The following GATA6 variants were observed in gnomAD, a reference collection of about 807,000 sequenced individuals.
GATA6 encodes the protein transcription factor GATA-6.
A neutral mutation model predicts 48.1 loss-of-function variants in GATA6; 11 were observed. The observed-to-expected ratio is 0.23, with a 90% confidence interval of 0.14 to 0.38. GATA6 has a LOEUF of 0.38. GATA6 is among the 10% of genes least tolerant of loss of function. The probability of loss-of-function intolerance (pLI) is 1.00; values close to 1 mark genes in which losing one functional copy is unlikely to be tolerated. For missense variants in GATA6, 795 were observed against 850.3 expected (o/e 0.93, Z 0.81); for synonymous variants, 419 against 396.1 (o/e 1.06, Z -0.69).
In GATA6 at chr18:22,200,700, C is replaced by A. The variant is rs1163876813; in HGVS notation, c.1665C>A (p.Pro555=). The A allele has an allele frequency of 1.2e-6, 2 of 1,614,234 alleles. No homozygotes were observed. Among genetic ancestry groups the A allele is most frequent in the East Asian group, 4.5e-5 (2 of 44,882 alleles). ...CTGGTGCGGGAGAGAGCACCAATCC[C>A]GAGAACAGCGAGCTCAAGTATTCGG... The part of the protein sequence containing the change: ...VMTGAGESTN[P]ENSELKYSGQ... Residue 555 remains proline, a synonymous_variant, in exon 7 of 7, where the codon CCC becomes CCA. Coordinates refer to ENST00000269216, the MANE Select transcript of GATA6 (RefSeq NM_005257.6).
chr18:22,183,496 T>C (rs1232748785), intron 6 of GATA6, among the ~76,000 whole-genome samples: 4 of 152,220 alleles, frequency 2.6e-5, no homozygotes, highest in Admixed American at 2.6e-4. Context: ...TCTTTTTTTA[T>C]CATCCACCCA....
In GATA6 at chr18:22,201,672, A is replaced by G. The variant is rs1212835062; in HGVS notation, c.*849A>G. On this transcript the variant is annotated 3_prime_UTR_variant, in exon 7 of 7. Coordinates refer to ENST00000269216, the MANE Select transcript of GATA6 (RefSeq NM_005257.6). ...TCCAATTGTTAAAGAAAAATATTTC[A>G]AGAACAAATCTTCTCTCAGGAAAAT... 1 of 152,662 alleles carries G rather than the reference A, an allele frequency of 6.6e-6. No homozygotes were observed. The highest frequency in any genetic ancestry group is 2.4e-5 in the African/African-American group (1 of 41,460). 9.5% of individuals were successfully genotyped at this position (152,662 alleles called of 1,614,324 possible).
At chr18:22,175,858 GCTT>G (rs1165427180) in intron 2 of GATA6, among the ~76,000 whole-genome samples, 1 of 152,148 alleles carries the variant, frequency 6.6e-6, no homozygotes, top group Admixed American at 6.5e-5. Flanking sequence ...ATTCAGGAAT[GCTT>G]CTTCAATAAT....
At chr18:22,188,638 T>C (rs912837649) in intron 6 of GATA6, among the ~76,000 whole-genome samples, 1 of 152,184 alleles carries the variant, frequency 6.6e-6, no homozygotes, top group Admixed American at 6.5e-5. Context: ...ACAAATGTGT[T>C]TTCTGTCTGT....
rs541150137 is a variant in GATA6 at position 22,171,299 on chromosome 18, G to C, written c.155G>C (p.Arg52Pro). 4.4e-6 allele frequency: 7 copies of C among 1,592,158 alleles called. No homozygotes were observed. The highest frequency in any genetic ancestry group is 2.2e-5 in the East Asian group (1 of 44,648). The change falls in exon 2 of 7, where the codon CGG becomes CCG. Residue 52 changes from arginine (R) to proline (P), a missense_variant. Physicochemically the swap from Arg to Pro is moderately radical, Grantham distance 103. This residue lies in a region of GATA6 where 591 missense variants were observed against 570.0 expected (regional missense o/e 1.04). Transcript: ENST00000269216. This position sits in a 1 kb window ranked among gnomAD's most constrained non-coding sequence, Gnocchi z 7.1. Reference sequence around the variant, plus strand: ...TCCTCCTGCTCCCGGGGCGGAGAGCGGGGCCCCGGCGGCGCCAGCAACTGC... The same window carrying C: ...TCCTCCTGCTCCCGGGGCGGAGAGCCGGGCCCCGGCGGCGCCAGCAACTGC... Reference protein sequence around the residue: ...SSSSCSRGGERGPGGASNCGT... With the variant: ...SSSSCSRGGEPGPGGASNCGT...
At chr18:22,182,410 T>A (rs1325616043) in intron 4 of GATA6, among the ~76,000 whole-genome samples, 1 of 151,054 alleles carries the variant, frequency 6.6e-6, no homozygotes, top group African/African-American at 2.4e-5. Context: ...CAGGCTGGAG[T>A]GCAGTGGTGC....
In GATA6 at chr18:22,170,741, T is replaced by C. The variant is rs903772777; in HGVS notation, c.-37-367T>C. The stretch of plus-strand genomic sequence containing the variant: ...TGTCATCAGCCCGGGGGAGACACTT[T>C]AGGGCGGAAGGAAAGCCTCAGCCAG... On this transcript the variant is annotated intron_variant, in intron 1 of 6. Coordinates refer to ENST00000269216, the MANE Select transcript of GATA6 (RefSeq NM_005257.6). The surrounding 1 kb of genome is among the most constrained non-coding windows in gnomAD (Gnocchi z 6.7). 3.3e-5 allele frequency among the ~76,000 whole-genome samples: 5 copies of C among 151,958 alleles called. No homozygotes were observed. Among genetic ancestry groups the C allele is most frequent in the African/African-American group, 7.3e-5 (3 of 41,364 alleles).
chr18:22,176,102 T>C (rs756011918), intron 2 of GATA6, among the ~76,000 whole-genome samples: 14 of 152,192 alleles, frequency 9.2e-5, no homozygotes, highest in South Asian at 6.2e-4. Context: ...CAAAGAATAA[T>C]AATAATAAAA....
intron 3 of GATA6, among the ~76,000 whole-genome samples, chr18:22,177,952 GTTTTT>G (rs775374335): frequency 2.5e-5 from 2 of 80,458 alleles, no homozygotes; most frequent in African/African-American, 4.9e-5. Context: ...CTGTTTTTTT[GTTTTT>G]TTTTTTTTTT....
At position 22,171,700 on chromosome 18, in the gene GATA6, C is replaced by T; in HGVS notation, c.556C>T (p.Pro186Ser). The part of the protein sequence containing the change: ...AAAAAAAASS[P>S]VYVPTTRVGS... ...AGCAGCCGCGGCGGCGGCCAGCTCCCCGGTCTACGTGCCCACCACCCGCGT... is the reference window on the plus strand; with the variant it reads ...AGCAGCCGCGGCGGCGGCCAGCTCCTCGGTCTACGTGCCCACCACCCGCGT... Residue 186 changes from proline (P) to serine (S), a missense_variant, in exon 2 of 7, where the codon CCG (proline) becomes TCG (serine). Pro to Ser is a moderately conservative substitution (Grantham distance 74). This residue lies in a region of GATA6 where 591 missense variants were observed against 570.0 expected (regional missense o/e 1.04). Coordinates refer to ENST00000269216, the MANE Select transcript of GATA6 (RefSeq NM_005257.6). The surrounding 1 kb of genome is among the most constrained non-coding windows in gnomAD (Gnocchi z 7.1). 1 of 1,498,244 alleles carries T rather than the reference C, an allele frequency of 6.7e-7. No individual in the cohort carries two copies. Among genetic ancestry groups the T allele is most frequent in the Non-Finnish European group, 8.8e-7 (1 of 1,132,322 alleles). 92.8% of individuals were successfully genotyped at this position (1,498,244 alleles called of 1,614,324 possible).
rs778633769 is a variant in GATA6, at chr18:22,171,600, C to T, written c.456C>T (p.Ala152=). 2 of 1,601,494 alleles carry T rather than the reference C, an allele frequency of 1.2e-6. No homozygotes were observed. The highest frequency in any genetic ancestry group is 1.7e-6 in the Non-Finnish European group (2 of 1,179,350). The change falls in exon 2 of 7, where the codon GCC becomes GCT. Residue 152 remains alanine, a synonymous_variant. Transcript: ENST00000269216. The surrounding 1 kb of genome is among the most constrained non-coding windows in gnomAD (Gnocchi z 7.1). ...CGGAGGAGATGTACCAGACCCTCGC[C>T]GCTCTCTCCAGCCAGGGTCCGGCCG... ...EQPEEMYQTL[A]ALSSQGPAAY... is the part of the protein sequence containing the mutation.
At chr18:22,178,006 GGCTGGAGT>G (rs1165346191) in intron 3 of GATA6, among the ~76,000 whole-genome samples, 2 of 125,882 alleles carry the variant, frequency 1.6e-5, no homozygotes, top group Admixed American at 2.0e-4. Context: ...TTGTTGCCCA[GGCTGGAGT>G]GCAATGGCGC....
rs533372481 is a variant in GATA6 at position 22,173,832 on chromosome 18, G to A, written c.1135+1553G>A. On this transcript the variant is annotated intron_variant, in intron 2 of 6. Transcript: ENST00000269216. ...AATTTTTGTATTTTTAGTAGTTTTTGCCACGTTGGTCAGGCTGTTTTTGAA... is the reference window on the plus strand; with the variant it reads ...AATTTTTGTATTTTTAGTAGTTTTTACCACGTTGGTCAGGCTGTTTTTGAA... Among the ~76,000 whole-genome samples the A allele has an allele frequency of 2.6e-5, 4 of 152,308 alleles. No individual in the cohort carries two copies. In the South Asian group the frequency reaches 8.3e-4, roughly 32 times the overall value.
intron 2 of GATA6, chr18:22,176,591 A>G (rs78709688): frequency 0.014 from 2,790 of 203,604 alleles, 90 homozygotes; most frequent in African/African-American, 0.061. Flanking sequence ...ACGTACTGTA[A>G]TGATGATGGA....
At chr18:22,198,357 C>T (rs1479983495) in intron 6 of GATA6, among the ~76,000 whole-genome samples, 1 of 152,200 alleles carries the variant, frequency 6.6e-6, no homozygotes, top group Non-Finnish European at 1.5e-5. Context: ...AGGCACGAGC[C>T]ACCGTGCCCA....
chr18:22,189,484 T>A (rs2033302532), intron 6 of GATA6, among the ~76,000 whole-genome samples: 1 of 151,482 alleles, frequency 6.6e-6, no homozygotes, highest in Admixed American at 6.6e-5. Flanking sequence ...AGTAATGGAA[T>A]TTTTTTTTGA....
intron 6 of GATA6, among the ~76,000 whole-genome samples, chr18:22,189,493 G>T (rs547144393): frequency 8.5e-4 from 129 of 151,516 alleles, no homozygotes; most frequent in African/African-American, 2.9e-3. Context: ...ATTTTTTTTT[G>T]ATTTACTGTG....
chr18:22,201,009 C>A lies in GATA6; in HGVS notation c.*186C>A. ...AGTGAGAGAAGATGGAAGGGAAGGG[C>A]CAGTGCAACTGGGCGCTTGGGCCAC... is the stretch of plus-strand genomic sequence containing the variant. On this transcript the variant is annotated 3_prime_UTR_variant, in exon 7 of 7. Transcript: ENST00000269216. 3 of 790,372 alleles carry A rather than the reference C, an allele frequency of 3.8e-6. No individual in the cohort carries two copies. The highest frequency in any genetic ancestry group is 5.9e-6 in the Non-Finnish European group (3 of 507,926). 49.0% of individuals were successfully genotyped at this position (790,372 alleles called of 1,614,324 possible).
Position 22,200,959 on chromosome 18 carries a change from T to C in GATA6, c.*136T>C. On this transcript the variant is annotated 3_prime_UTR_variant, in exon 7 of 7. Transcript: ENST00000269216. ...TCGTGCCTTTATTTTGAAAGAGATG[T>C]TTTTCCCAAGAGGCTTGCTGAAAGA... The C allele has an allele frequency of 1.9e-6, 2 of 1,032,618 alleles. No homozygotes were observed. Among genetic ancestry groups the C allele is most frequent in the South Asian group, 1.6e-5 (1 of 62,194 alleles). The allele number at this position is 1,032,618 out of a possible 1,614,324, so 64.0% of individuals were successfully genotyped here.
Sources: gnomAD v4.1 joint callset for allele counts (sites outside exome capture counted in the v4.1 genomes callset) on GRCh38, gnomAD v4.1.1 for gene constraint, gnomAD v4.1.1 regional missense constraint, Gnocchi (gnomAD v3.1) non-coding constraint, MANE v1.5 for transcripts, NCBI Gene and HGNC (gene_info 2026-07-23, HGNC 2026-07-21) for gene names.